TTC7B: variants seen among roughly 807,000 people sequenced by gnomAD.
TTC7B encodes the protein tetratricopeptide repeat protein 7B.
TTC7B carries 28 observed loss-of-function variants against 106.8 expected under a neutral mutation model. The observed-to-expected ratio is 0.26, with a 90% CI of 0.19 to 0.36. TTC7B has a LOEUF of 0.36. TTC7B is among the 10% of genes least tolerant of loss of function. The pLI, the probability that TTC7B is intolerant of heterozygous loss-of-function variation, is 1.00. For missense variants in TTC7B, 862 were observed against 1,076.4 expected (o/e 0.80, Z 2.79); for synonymous variants, 405 against 430.6 (o/e 0.94, Z 0.74).
intron 15 of TTC7B, among the ~76,000 whole-genome samples, chr14:90,634,112 G>A (rs1455888147): frequency 1.3e-5 from 2 of 152,040 alleles, no homozygotes; most frequent in African/African-American, 2.4e-5. Flanking sequence ...CCTGACCTCA[G>A]GTGATCCACC....
intron 14 of TTC7B, among the ~76,000 whole-genome samples, chr14:90,646,502 G>C (rs764912914): frequency 1.3e-5 from 2 of 152,178 alleles, no homozygotes; most frequent in South Asian, 4.1e-4. Context: ...TGGTTCTTTT[G>C]TCTCTGCCTG....
At chr14:90,733,525 C>T (rs960186935) in intron 4 of TTC7B, among the ~76,000 whole-genome samples, 7 of 152,230 alleles carry the variant, frequency 4.6e-5, no homozygotes, top group African/African-American at 9.6e-5. Context: ...GCATCTTGAA[C>T]TTAATCCCTT....
intron 19 of TTC7B, among the ~76,000 whole-genome samples, chr14:90,565,111 C>A (rs1440407331): frequency 6.6e-6 from 1 of 152,172 alleles, no homozygotes; most frequent in Non-Finnish European, 1.5e-5. Flanking sequence ...CCTCTCTCAG[C>A]CTTCAGAGAA....
rs150375990 is a variant in TTC7B, at chr14:90,800,928, A to G, written c.122-14600T>C. ...CAGCCAGGCACGATGGCTCACACCT[A>G]TAATCCCAGAACTTTGGGAGGCTGA... On this transcript the variant is annotated intron_variant, in intron 1 of 19. Transcript: ENST00000328459. Among the ~76,000 whole-genome samples, 555 of 151,378 alleles carry G rather than the reference A, an allele frequency of 3.7e-3. 8 individuals are homozygous for G. The highest frequency in any genetic ancestry group is 0.036 in the East Asian group (181 of 5,086).
intron 6 of TTC7B, among the ~76,000 whole-genome samples, chr14:90,694,225 G>A (rs901955397): frequency 1.3e-5 from 2 of 152,076 alleles, no homozygotes; most frequent in East Asian, 1.9e-4. Context: ...GCAACAGAGC[G>A]AGACTCTATC....
At chr14:90,763,031 C>T (rs1241593539) in intron 3 of TTC7B, among the ~76,000 whole-genome samples, 1 of 152,208 alleles carries the variant, frequency 6.6e-6, no homozygotes, top group African/African-American at 2.4e-5. Flanking sequence ...GGAGGGAACA[C>T]TTCACAACTC....
intron 3 of TTC7B, among the ~76,000 whole-genome samples, chr14:90,762,469 T>A (rs987117403): frequency 3.3e-5 from 5 of 152,172 alleles, no homozygotes; most frequent in Non-Finnish European, 7.3e-5. Context: ...TCTAATCTAT[T>A]CTCCACTCTG....
intron 17 of TTC7B, among the ~76,000 whole-genome samples, chr14:90,598,092 C>T (rs1173983633): frequency 1.3e-5 from 2 of 152,246 alleles, no homozygotes; most frequent in Non-Finnish European, 2.9e-5. Context: ...GCCCACAGGA[C>T]TGTGTGCTGC....
chr14:90,695,590 C>A lies in TTC7B; in HGVS notation c.699-12G>T. ...CTCTTGTCAAGTTCCTGTGTGGACA[C>A]AGAATTTGACGGTTTTCATCTGGCA... On this transcript the variant is annotated splice_polypyrimidine_tract_variant and intron_variant, in intron 5 of 19. Coordinates refer to ENST00000328459, the MANE Select transcript of TTC7B (RefSeq NM_001010854.2). 1 of 1,571,674 alleles carries A rather than the reference C, an allele frequency of 6.4e-7. No individual in the cohort carries two copies. The highest frequency in any genetic ancestry group is 8.6e-7 in the Non-Finnish European group (1 of 1,156,984).
chr14:90,726,105 C>T (rs1815582376), intron 5 of TTC7B, among the ~76,000 whole-genome samples: 1 of 152,188 alleles, frequency 6.6e-6, no homozygotes, highest in African/African-American at 2.4e-5. Flanking sequence ...GACCTTGACT[C>T]TACAAAGAGG....
intron 7 of TTC7B, among the ~76,000 whole-genome samples, chr14:90,685,846 A>G (rs1166682836): frequency 6.6e-6 from 1 of 152,150 alleles, no homozygotes; most frequent in Non-Finnish European, 1.5e-5. Context: ...TTGAATTAGC[A>G]TTTAAAAAAA....
intron 12 of TTC7B, 150 bp downstream of exon 12, chr14:90,654,843 G>C: frequency 1.6e-6 from 1 of 624,916 alleles, no homozygotes; most frequent in South Asian, 1.9e-5. Context: ...AAAGAGGACA[G>C]CAGCACCAGG....
intron 8 of TTC7B, among the ~76,000 whole-genome samples, chr14:90,678,460 C>T (rs1206465990): frequency 6.6e-6 from 1 of 152,164 alleles, no homozygotes; most frequent in African/African-American, 2.4e-5. Flanking sequence ...CATTTTCTGT[C>T]TAAAAACTAA....
At chr14:90,558,694 C>T (rs938216119) in intron 19 of TTC7B, among the ~76,000 whole-genome samples, 48 of 152,364 alleles carry the variant, frequency 3.2e-4, no homozygotes, top group African/African-American at 1.1e-3. Context: ...TCTCCCCGGC[C>T]AGCGCTCCTC....
At chr14:90,591,783 T>C (rs1891971312) in intron 18 of TTC7B, among the ~76,000 whole-genome samples, 1 of 152,222 alleles carries the variant, frequency 6.6e-6, no homozygotes, top group Non-Finnish European at 1.5e-5. Flanking sequence ...TTGTTGTTCA[T>C]GGGGGTAACT....
intron 5 of TTC7B, among the ~76,000 whole-genome samples, chr14:90,708,391 AGCTAATGCAACT>A (rs1209587148): frequency 2.6e-5 from 4 of 152,212 alleles, no homozygotes; most frequent in East Asian, 1.9e-4. Context: ...CTCTTGCAGG[AGCTAATGCAACT>A]GGTGACTTTG....
chr14:90,610,908 A>G (rs145178249), intron 16 of TTC7B, 69 bp from the exon 17 acceptor site: 14 of 1,027,130 alleles, frequency 1.4e-5, no homozygotes, highest in African/African-American at 7.9e-5. Context: ...GAGGCAACCA[A>G]TACTGACTCC....
chr14:90,545,594 G>A (rs755938579), intron 19 of TTC7B, among the ~76,000 whole-genome samples: 1 of 152,236 alleles, frequency 6.6e-6, no homozygotes, highest in Admixed American at 6.5e-5. Flanking sequence ...GTGGAGACCA[G>A]GAGGACCAGG....
intron 9 of TTC7B, among the ~76,000 whole-genome samples, chr14:90,670,899 TG>T (rs1031854220): frequency 6.6e-6 from 1 of 152,172 alleles, no homozygotes; most frequent in African/African-American, 2.4e-5. Context: ...TGGGCCTGCC[TG>T]GGGAAGATAC....
Sources: gnomAD v4.1 joint callset for allele counts (sites outside exome capture counted in the v4.1 genomes callset) on GRCh38, gnomAD v4.1.1 for gene constraint, MANE v1.5 for transcripts, NCBI Gene and HGNC (gene_info 2026-07-23, HGNC 2026-07-21) for gene names.